FAM167A: variants seen among roughly 807,000 people sequenced by gnomAD.
FAM167A encodes the protein family with sequence similarity 167 member A.
Under a neutral mutation model 14.9 loss-of-function variants are expected in FAM167A, and 23 were observed. That is an observed-to-expected ratio of 1.55 (90% confidence interval 1.11 to 2.19). The LOEUF is 2.19. Among genes scored for constraint, FAM167A ranks in the 30% most tolerant of loss-of-function variants. The probability of loss-of-function intolerance (pLI) is 0.00; values close to 1 mark genes in which losing one functional copy is unlikely to be tolerated. For synonymous variants in FAM167A, 174 were observed against 117.7 expected (o/e 1.48, Z -3.10); for missense variants, 401 against 281.5 (o/e 1.42, Z -3.04).
chr8:11,470,807 G>A (rs74683629), upstream of FAM167A, among the ~76,000 whole-genome samples: 5,048 of 152,154 alleles, frequency 0.033, 242 homozygotes, highest in African/African-American at 0.1. Context: ...CTGTTTTCCT[G>A]TGAAGGGACT....
intron 2 of FAM167A, among the ~76,000 whole-genome samples, chr8:11,433,113 G>T (rs1418034957): frequency 6.6e-6 from 1 of 152,068 alleles, no homozygotes. Context: ...TAGGTGACGG[G>T]TTGTTGGGTG....
Position 11,444,587 on chromosome 8 carries a change from G to T in FAM167A, c.-176C>A. 2.1e-6 allele frequency: 3 copies of T among 1,425,868 alleles called. No individual in the cohort carries two copies. Among genetic ancestry groups the T allele is most frequent in the Non-Finnish European group, 2.7e-6 (3 of 1,096,578 alleles). 88.3% of individuals were successfully genotyped at this position (1,425,868 alleles called of 1,614,324 possible). ...TGGCAGGGGAGCTGAGAGGGACCGCGCAGTGAGCCGCACAGGGCGCCCTCC... is the reference window on the plus strand; with the variant it reads ...TGGCAGGGGAGCTGAGAGGGACCGCTCAGTGAGCCGCACAGGGCGCCCTCC... On this transcript the variant is annotated 5_prime_UTR_variant, in exon 2 of 3. Coordinates refer to ENST00000284486, the MANE Select transcript of FAM167A (RefSeq NM_053279.3).
chr8:11,422,976 C>A lies in FAM167A; in HGVS notation c.*1397G>T, dbSNP rs190525855. ...AGTGTGCGGGTTTGGCAAAGCATCA[C>A]GACCATCTTTGGGGTTCAAGTTCAT... On this transcript the variant is annotated 3_prime_UTR_variant, in exon 3 of 3. Transcript: ENST00000284486. 2.0e-5 allele frequency: 3 copies of A among 152,734 alleles called. 1 individual carries two copies. Among genetic ancestry groups the A allele is most frequent in the Admixed American group, 2.0e-4 (3 of 15,300 alleles). The allele number at this position is 152,734 out of a possible 1,614,324, so 9.5% of individuals were successfully genotyped here.
At position 11,421,755 on chromosome 8, in the gene FAM167A, C is replaced by A. The variant is rs900115693; in HGVS notation, c.*2618G>T. ...TGGAGAGTTTGCGTTTTACACCCAG[C>A]GATGCTTGGGGATGGCAGAGAGATG... is the stretch of plus-strand genomic sequence containing the variant. On this transcript the variant is annotated 3_prime_UTR_variant, in exon 3 of 3. Transcript: ENST00000284486. 7 of 398,844 alleles carry A rather than the reference C, an allele frequency of 1.8e-5. No individual in the cohort carries two copies. The highest frequency in any genetic ancestry group is 1.4e-4 in the African/African-American group (7 of 48,584). 24.7% of individuals were successfully genotyped at this position (398,844 alleles called of 1,614,324 possible).
At chr8:11,432,206 T>C (rs1218622604) in intron 2 of FAM167A, among the ~76,000 whole-genome samples, 2 of 152,200 alleles carry the variant, frequency 1.3e-5, no homozygotes, top group African/African-American at 2.4e-5. Flanking sequence ...GACTGATGTC[T>C]ATGGGTCTAA....
At chr8:11,441,912 G>A (rs574244069) in intron 2 of FAM167A, among the ~76,000 whole-genome samples, 1 of 152,318 alleles carries the variant, frequency 6.6e-6, no homozygotes, top group South Asian at 2.1e-4. Context: ...GTACCAGGAA[G>A]GTCATCCGAC....
intron 1 of FAM167A, among the ~76,000 whole-genome samples, chr8:11,473,397 C>T (rs1585291682): frequency 6.6e-6 from 1 of 152,148 alleles, no homozygotes; most frequent in African/African-American, 2.4e-5. Context: ...GAAGGACTGC[C>T]TGTCATTCAC....
upstream of FAM167A, among the ~76,000 whole-genome samples, chr8:11,469,893 TAAATAAATA>T (rs753131809): frequency 0.021 from 2,978 of 140,472 alleles, 92 homozygotes; most frequent in African/African-American, 0.071. Context: ...AATAAATAAA[TAAATAAATA>T]AATAAATAAA....
At position 11,447,025 on chromosome 8, in the gene FAM167A, G is replaced by C. The variant is rs1585263135; in HGVS notation, c.-397-2217C>G. Among the ~76,000 whole-genome samples, 4 of 152,274 alleles carry C rather than the reference G, an allele frequency of 2.6e-5. No individual in the cohort carries two copies. The South Asian group carries it at 8.3e-4, about 32-fold the overall frequency. On this transcript the variant is annotated intron_variant, in intron 1 of 2. Coordinates refer to ENST00000284486, the MANE Select transcript of FAM167A (RefSeq NM_053279.3). ...GAGATAACATGGATGAGGAGCCCTG[G>C]TGGCCCACCCCCTCCCCCACCAGCA...
chr8:11,460,290 G>C (rs1354934884), intron 1 of FAM167A, among the ~76,000 whole-genome samples: 1 of 152,220 alleles, frequency 6.6e-6, no homozygotes, highest in Non-Finnish European at 1.5e-5. Flanking sequence ...ATTTTGGACA[G>C]AGCCAGCCTG....
intron 1 of FAM167A, among the ~76,000 whole-genome samples, chr8:11,473,977 G>A (rs371668386): frequency 2.0e-5 from 3 of 152,006 alleles, no homozygotes; most frequent in Non-Finnish European, 1.5e-5. Flanking sequence ...GGGTTCAAGC[G>A]ATTTTCCTGC....
At chr8:11,435,028 TC>T (rs778546205) in intron 2 of FAM167A, 2 of 456,616 alleles carry the variant, frequency 4.4e-6, no homozygotes, top group Non-Finnish European at 8.8e-6. Flanking sequence ...CCTGCCTGCC[TC>T]CCCCCCTCAC....
intron 2 of FAM167A, chr8:11,434,825 A>C (rs569099771): frequency 2.9e-6 from 1 of 347,798 alleles, no homozygotes; most frequent in African/African-American, 2.1e-5. Context: ...CTCCCCTCCC[A>C]TCAGATTGCA....
At chr8:11,429,746 C>G (rs1357033178) in intron 2 of FAM167A, among the ~76,000 whole-genome samples, 1 of 152,160 alleles carries the variant, frequency 6.6e-6, no homozygotes, top group Non-Finnish European at 1.5e-5. Flanking sequence ...GGAAAATCCA[C>G]AGCCCTGGGT....
At chr8:11,436,941 T>A (rs1053910369) in intron 2 of FAM167A, among the ~76,000 whole-genome samples, 1 of 152,162 alleles carries the variant, frequency 6.6e-6, no homozygotes, top group Non-Finnish European at 1.5e-5. Flanking sequence ...TAAATAGGGC[T>A]CCCAGGCACC....
At chr8:11,469,660 A>G (rs1413360278), upstream of FAM167A, among the ~76,000 whole-genome samples, 1 of 152,086 alleles carries the variant, frequency 6.6e-6, no homozygotes, top group Non-Finnish European at 1.5e-5. Context: ...TGAGCCCAGG[A>G]ATTGGAGACC....
At chr8:11,432,980 G>A (rs560758592) in intron 2 of FAM167A, among the ~76,000 whole-genome samples, 18 of 152,194 alleles carry the variant, frequency 1.2e-4, no homozygotes, top group East Asian at 5.8e-4. Context: ...AACCAAACAC[G>A]GCATGTTCTT....
In FAM167A at chr8:11,474,558, G is replaced by C. The variant is rs1430590518; in HGVS notation, c.-398+1308C>G. On this transcript the variant is annotated intron_variant, in intron 1 of 1. Coordinates refer to the FAM167A transcript ENST00000648766. ...GGTTTCTGCTTCACAGACAGAACTAGAGGCAGAAAAGAAGAGAAAAATCAA... is the reference window on the plus strand; with the variant it reads ...GGTTTCTGCTTCACAGACAGAACTACAGGCAGAAAAGAAGAGAAAAATCAA... 7.2e-5 allele frequency: 11 copies of C among 152,238 alleles called. No individual in the cohort carries two copies. The East Asian group carries it at 2.1e-3, about 29-fold the overall frequency. 9.4% of individuals were successfully genotyped at this position (152,238 alleles called of 1,614,324 possible). A position where few individuals can be genotyped will look rare whatever the true frequency, so the allele number is the denominator to read the frequency against.
At chr8:11,424,765 T>G in intron 2 of FAM167A, 129 bp from the exon 3 acceptor site, 1 of 1,343,848 alleles carries the variant, frequency 7.4e-7, no homozygotes. Context: ...TATTAGCACT[T>G]TCCCTGCTCA....
Sources: gnomAD v4.1 joint callset for allele counts (sites outside exome capture counted in the v4.1 genomes callset) on GRCh38, gnomAD v4.1.1 for gene constraint, MANE v1.5 for transcripts, NCBI Gene and HGNC (gene_info 2026-07-23, HGNC 2026-07-21) for gene names.